ATP2C2: variants seen among roughly 807,000 people sequenced by gnomAD.
ATP2C2 encodes the protein calcium-transporting ATPase type 2C member 2.
In ATP2C2, 171 loss-of-function variants were observed where a neutral mutation model predicts 110.8. The observed-to-expected ratio is 1.54, with a 90% CI of 1.36 to 1.75. ATP2C2 has a LOEUF of 1.75. Among genes scored for constraint, ATP2C2 ranks in the 40% most tolerant of loss-of-function variants. ATP2C2 has a pLI of 0.00. For synonymous variants in ATP2C2, 804 were observed against 508.4 expected (o/e 1.58, Z -7.82); for missense variants, 1,963 against 1,235.0 (o/e 1.59, Z -8.84).
rs8058454 is a variant in ATP2C2, at chr16:84,461,498, C to T, written c.2482-216C>T. On this transcript the variant is annotated intron_variant, in intron 24 of 26. Transcript: ENST00000262429. ...TCCTCCACCCATAGGTGCCCTGCCC[C>T]CATCCTCATGGTGGCAGCAAATCAG... 729 of 614,748 alleles carry T rather than the reference C, an allele frequency of 1.2e-3. 2 individuals carry two copies. The highest frequency in any genetic ancestry group is 0.011 in the African/African-American group (607 of 54,260). The allele number at this position is 614,748 out of a possible 1,614,324, so 38.1% of individuals were successfully genotyped here.
rs2303853 is a variant in ATP2C2 at position 84,440,878 on chromosome 16, G to T, written c.1231G>T (p.Gly411Cys). Residue 411 changes from glycine to cysteine, a missense_variant, in exon 14 of 27, where the codon GGT becomes TGT. Coordinates refer to ENST00000262429, the MANE Select transcript of ATP2C2 (RefSeq NM_014861.4). ...RAEVSGVGYD[G>C]QGTVCLLPSK... Reference sequence around the variant, plus strand: ...GCAGGTCAGCGGAGTTGGGTATGACGGTCAAGGGACTGTGTGTCTTCTACC... The same window carrying T: ...GCAGGTCAGCGGAGTTGGGTATGACTGTCAAGGGACTGTGTGTCTTCTACC... 6.2e-7 allele frequency: 1 copy of T among 1,612,560 alleles called. No homozygotes were observed. The highest frequency in any genetic ancestry group is 1.3e-5 in the African/African-American group (1 of 74,886).
intron 1 of ATP2C2, among the ~76,000 whole-genome samples, chr16:84,371,928 A>G (rs1274981830): frequency 6.6e-6 from 1 of 152,246 alleles, no homozygotes; most frequent in African/African-American, 2.4e-5. Context: ...GGAGGCAGAG[A>G]CAGGCACCCA....
chr16:84,452,748 C>G (rs1246260478), intron 18 of ATP2C2, among the ~76,000 whole-genome samples: 2 of 152,124 alleles, frequency 1.3e-5, no homozygotes, highest in Non-Finnish European at 2.9e-5. Flanking sequence ...ATCTGCCCAC[C>G]TCGGCCTCAC....
intron 6 of ATP2C2, chr16:84,410,968 C>G (rs1906232449): frequency 5.0e-6 from 3 of 600,312 alleles, no homozygotes; most frequent in Non-Finnish European, 8.9e-6. Context: ...CTCTGGGCCT[C>G]AGCTCCATCA....
chr16:84,428,192 G>C (rs1327207961), intron 11 of ATP2C2, among the ~76,000 whole-genome samples: 1 of 152,244 alleles, frequency 6.6e-6, no homozygotes, highest in Non-Finnish European at 1.5e-5. Context: ...CTTGCTTTAA[G>C]GGTTGAGTGT....
intron 11 of ATP2C2, among the ~76,000 whole-genome samples, chr16:84,436,397 C>T (rs1201480607): frequency 4.6e-5 from 7 of 152,100 alleles, no homozygotes; most frequent in East Asian, 3.9e-4. Flanking sequence ...GCCGATTTCA[C>T]GTATTTCCTG....
At chr16:84,399,636 T>G (rs1217809493) in intron 2 of ATP2C2, among the ~76,000 whole-genome samples, 1 of 152,174 alleles carries the variant, frequency 6.6e-6, no homozygotes, top group Non-Finnish European at 1.5e-5. Context: ...ATTTTTAATT[T>G]TTGTGGGTAC....
Position 84,423,177 on chromosome 16 carries a change from C to A in ATP2C2, c.844-11C>A. The A allele has an allele frequency of 6.2e-7, 1 of 1,613,040 alleles. No individual in the cohort carries two copies. The highest frequency in any genetic ancestry group is 8.5e-7 in the Non-Finnish European group (1 of 1,179,082). On this transcript the variant is annotated splice_polypyrimidine_tract_variant and intron_variant, in intron 9 of 26. Transcript: ENST00000262429. ...TCTTGTCCAACTAACCCATTGTGCTCACCCTTTCAGACACCTAAAACTCCT... is the reference window on the plus strand; with the variant it reads ...TCTTGTCCAACTAACCCATTGTGCTAACCCTTTCAGACACCTAAAACTCCT...
At chr16:84,453,887 C>G (rs1910551667) in intron 20 of ATP2C2, among the ~76,000 whole-genome samples, 1 of 151,958 alleles carries the variant, frequency 6.6e-6, no homozygotes, top group Admixed American at 6.6e-5. Flanking sequence ...GTCACCTAGG[C>G]TGCAGTGCAG....
chr16:84,453,261 A>C (rs2435172), intron 19 of ATP2C2, 26 bp downstream of exon 19: 8 of 1,614,110 alleles, frequency 5.0e-6, no homozygotes, highest in Non-Finnish European at 6.8e-6. Context: ...CTTGGCTGGC[A>C]GTGGGGCTGG....
chr16:84,383,436 A>T (rs889738), intron 1 of ATP2C2, among the ~76,000 whole-genome samples: 1 of 152,340 alleles, frequency 6.6e-6, no homozygotes, highest in Admixed American at 6.5e-5. Context: ...ATAAGCAGCC[A>T]TGTCTGGTCC....
chr16:84,426,166 C>T (rs545147354), intron 11 of ATP2C2: 9 of 204,322 alleles, frequency 4.4e-5, no homozygotes, highest in African/African-American at 1.4e-4. Context: ...TGGGGAGGCT[C>T]CAGGAAGTTT....
chr16:84,402,320 C>G (rs1358435548), intron 2 of ATP2C2, among the ~76,000 whole-genome samples: 1 of 152,116 alleles, frequency 6.6e-6, no homozygotes, highest in African/African-American at 2.4e-5. Context: ...ATTTTTTACT[C>G]TTGTCTGATT....
At position 84,442,412 on chromosome 16, in the gene ATP2C2, C is replaced by A. The variant is rs530642791; in HGVS notation, c.1312-98C>A. On this transcript the variant is annotated intron_variant, in intron 14 of 26. Coordinates refer to ENST00000262429, the MANE Select transcript of ATP2C2 (RefSeq NM_014861.4). ...AGTTGTTTTAAAGAGCAAGTCTTGT[C>A]CCCACAACCCCAGCTGTAAAAATGG... The A allele has an allele frequency of 1.8e-4, 202 of 1,116,154 alleles. No homozygotes were observed. In the African/African-American group the frequency reaches 2.9e-3, roughly 16 times the overall value. The allele number at this position is 1,116,154 out of a possible 1,614,324, so 69.1% of individuals were successfully genotyped here.
intron 1 of ATP2C2, among the ~76,000 whole-genome samples, chr16:84,377,827 G>C (rs531487621): frequency 3.9e-5 from 6 of 152,240 alleles, no homozygotes; most frequent in African/African-American, 1.4e-4. Context: ...GCCACCAGGA[G>C]AAAATTTGTA....
intron 11 of ATP2C2, among the ~76,000 whole-genome samples, chr16:84,430,421 A>C (rs950670877): frequency 6.6e-6 from 1 of 151,940 alleles, no homozygotes; most frequent in Non-Finnish European, 1.5e-5. Flanking sequence ...CAGACGGATC[A>C]CTTGAGGTTA....
intron 1 of ATP2C2, among the ~76,000 whole-genome samples, chr16:84,389,011 C>A (rs960719169): frequency 6.6e-6 from 1 of 152,084 alleles, no homozygotes; most frequent in Non-Finnish European, 1.5e-5. Context: ...ACCTCGTGAT[C>A]CACCCAAAGT....
In ATP2C2 at chr16:84,460,657, G is replaced by A. The variant is rs373092570; in HGVS notation, c.2337G>A (p.Leu779=). The change falls in exon 24 of 27, where the codon TTG becomes TTA. Residue 779 remains leucine, a synonymous_variant. Coordinates refer to ENST00000262429, the MANE Select transcript of ATP2C2 (RefSeq NM_014861.4). ...IIMDGPPAQS[L]GVEPVDKDAF... Reference sequence around the variant, plus strand: ...GTCTGTGTCTTGTTCGGAGCAGCTTGGGGGTAGAGCCCGTTGACAAAGACG... The same window carrying A: ...GTCTGTGTCTTGTTCGGAGCAGCTTAGGGGTAGAGCCCGTTGACAAAGACG... 6.2e-7 allele frequency: 1 copy of A among 1,614,218 alleles called. No homozygotes were observed. The highest frequency in any genetic ancestry group is 8.5e-7 in the Non-Finnish European group (1 of 1,180,040).
chr16:84,461,487 G>A (rs1269511806), intron 24 of ATP2C2: 5 of 600,184 alleles, frequency 8.3e-6, no homozygotes, highest in Admixed American at 5.9e-5. Flanking sequence ...CCACCCATAG[G>A]TGCCCTGCCC....
Sources: gnomAD v4.1 joint callset for allele counts (sites outside exome capture counted in the v4.1 genomes callset) on GRCh38, gnomAD v4.1.1 for gene constraint, MANE v1.5 for transcripts, NCBI Gene and HGNC (gene_info 2026-07-23, HGNC 2026-07-21) for gene names.